The following CTDP1 variants were observed in gnomAD, a reference collection of about 807,000 sequenced individuals.
The protein encoded by CTDP1 is RNA polymerase II subunit A C-terminal domain phosphatase.
CTDP1 carries 47 observed loss-of-function variants against 91.8 expected under a neutral mutation model. That is an observed-to-expected ratio of 0.51 (90% CI 0.41 to 0.65). The LOEUF is 0.65. Ranked by LOEUF, CTDP1 falls within the 30% of genes least tolerant of loss-of-function variation. The pLI is 0.00. For synonymous variants in CTDP1, 656 were observed against 598.5 expected (o/e 1.10, Z -1.40); for missense variants, 1,272 against 1,373.7 (o/e 0.93, Z 1.17).
At chr18:79,748,588 A>G (rs1245554964) in intron 12 of CTDP1, among the ~76,000 whole-genome samples, 1 of 152,174 alleles carries the variant, frequency 6.6e-6, no homozygotes, top group Non-Finnish European at 1.5e-5. Context: ...TGAGATGGGG[A>G]TGGTGGCGCC....
At chr18:79,726,809 T>C (rs75471678) in intron 10 of CTDP1, among the ~76,000 whole-genome samples, 3,879 of 90,302 alleles carry the variant, frequency 0.043, 124 homozygotes, top group Non-Finnish European at 0.06. Context: ...GGGGTGACGC[T>C]GTTGCTGGTG....
chr18:79,693,821 C>T (rs1259407874), intron 1 of CTDP1, among the ~76,000 whole-genome samples: 1 of 152,094 alleles, frequency 6.6e-6, no homozygotes, highest in East Asian at 1.9e-4. Flanking sequence ...CCCATTCTCC[C>T]TGCAGGATGC....
At chr18:79,750,595 A>G (rs2086976580) in intron 12 of CTDP1, among the ~76,000 whole-genome samples, 1 of 150,738 alleles carries the variant, frequency 6.6e-6, no homozygotes, top group Non-Finnish European at 1.5e-5. Flanking sequence ...CCGGGTTCAA[A>G]CAATTCTCGT....
At position 79,696,047 on chromosome 18, in the gene CTDP1, C is replaced by G; in HGVS notation, c.469C>G (p.Pro157Ala). ...TATVSMVHSV[P>A]ELMVSSEQAE... ...GACCGTGTCCATGGTGCACAGCGTG[C>G]CGGAGTTGATGGTGAGCTCCGAGGT... Residue 157 changes from proline (P) to alanine (A), a missense_variant, in exon 3 of 13, where the codon CCG becomes GCG. Pro to Ala is a conservative substitution (Grantham distance 27). This residue lies in a region of CTDP1 where 177 missense variants were observed against 283.0 expected (regional missense o/e 0.63). Transcript: ENST00000613122. 2 of 1,612,116 alleles carry G rather than the reference C, an allele frequency of 1.2e-6. No individual in the cohort carries two copies. The highest frequency in any genetic ancestry group is 1.7e-6 in the Non-Finnish European group (2 of 1,180,002).
intron 12 of CTDP1, among the ~76,000 whole-genome samples, chr18:79,748,124 G>A (rs1051945905): frequency 6.6e-6 from 1 of 152,194 alleles, no homozygotes; most frequent in East Asian, 1.9e-4. Context: ...TACAAATATT[G>A]CATGTTATGC....
intron 12 of CTDP1, among the ~76,000 whole-genome samples, chr18:79,749,350 G>GC (rs1599325925): frequency 6.6e-6 from 1 of 151,996 alleles, no homozygotes; most frequent in East Asian, 1.9e-4. Context: ...TCTGCTCAGT[G>GC]CCCCTGATAC....
chr18:79,708,193 A>G (rs2086007205), intron 5 of CTDP1, among the ~76,000 whole-genome samples: 1 of 152,244 alleles, frequency 6.6e-6, no homozygotes, highest in South Asian at 2.1e-4. Context: ...TCATCTTCCC[A>G]GAAGATCTTA....
intron 2 of CTDP1, 118 bp from the exon 3 acceptor site, chr18:79,695,858 GC>G: frequency 1.2e-6 from 1 of 824,542 alleles, no homozygotes; most frequent in Admixed American, 1.9e-5. Context: ...TCAAGTCTGT[GC>G]TAAGATAGCA....
At chr18:79,741,718 G>C (rs1002211256) in intron 12 of CTDP1, among the ~76,000 whole-genome samples, 1 of 152,256 alleles carries the variant, frequency 6.6e-6, no homozygotes, top group African/African-American at 2.4e-5. Context: ...CAGGGCGGCA[G>C]GCAGGGTCCT....
rs60349604 is a variant in CTDP1, at chr18:79,718,560, G to A, written c.2417+544G>A. Among the ~76,000 whole-genome samples the A allele has an allele frequency of 4.9e-3, 750 of 152,250 alleles. 7 individuals are homozygous for A. The highest frequency in any genetic ancestry group is 0.017 in the African/African-American group (724 of 41,546). ...GCCGGGATCTGTGCTGCCCTGGAGTGGGGAGATTGCAGGCCCTGAGGGATG... is the reference window on the plus strand; with the variant it reads ...GCCGGGATCTGTGCTGCCCTGGAGTAGGGAGATTGCAGGCCCTGAGGGATG... On this transcript the variant is annotated intron_variant, in intron 10 of 12. Transcript: ENST00000613122.
chr18:79,679,811 G>C lies in CTDP1; in HGVS notation c.-137G>C. On this transcript the variant is annotated 5_prime_UTR_variant, in exon 1 of 13. Coordinates refer to ENST00000613122, the MANE Select transcript of CTDP1 (RefSeq NM_004715.5). ...GTCACGCGCCCTCCAGGAAGTCGGC[G>C]CGGGCTAGGCGACGGGTGGAAGCCG... 1 of 836,112 alleles carries C rather than the reference G, an allele frequency of 1.2e-6. No individual in the cohort carries two copies. 51.8% of individuals were successfully genotyped at this position (836,112 alleles called of 1,614,324 possible). A position where few individuals can be genotyped will look rare whatever the true frequency, so the allele number is the denominator to read the frequency against.
intron 11 of CTDP1, among the ~76,000 whole-genome samples, chr18:79,733,445 G>C (rs905327153): frequency 1.3e-4 from 20 of 152,314 alleles, no homozygotes; most frequent in African/African-American, 4.6e-4. Flanking sequence ...TGAGGGTTGA[G>C]GTGGGGCCCG....
chr18:79,718,894 G>A (rs907354080), intron 10 of CTDP1, among the ~76,000 whole-genome samples: 1 of 152,226 alleles, frequency 6.6e-6, no homozygotes, highest in Non-Finnish European at 1.5e-5. Context: ...GCTAGAGGGA[G>A]ACGGGTGCTC....
At chr18:79,740,946 C>CAGGTG (rs2086763464) in intron 12 of CTDP1, among the ~76,000 whole-genome samples, 1 of 152,162 alleles carries the variant, frequency 6.6e-6, no homozygotes, top group Non-Finnish European at 1.5e-5. Flanking sequence ...AACAGGCGCC[C>CAGGTG]AGGTGAGGTG....
At chr18:79,722,059 T>A (rs547145306) in intron 10 of CTDP1, among the ~76,000 whole-genome samples, 1 of 152,306 alleles carries the variant, frequency 6.6e-6, no homozygotes, top group East Asian at 1.9e-4. Flanking sequence ...CCTGTCCTCA[T>A]TGTCTTAAAC....
intron 12 of CTDP1, among the ~76,000 whole-genome samples, chr18:79,743,967 G>A (rs180823229): frequency 3.3e-5 from 5 of 152,132 alleles, no homozygotes; most frequent in African/African-American, 4.8e-5. Flanking sequence ...GCCACCCTCC[G>A]CTCACTGAGA....
chr18:79,688,710 A>C (rs2085559384), intron 1 of CTDP1, among the ~76,000 whole-genome samples: 1 of 148,996 alleles, frequency 6.7e-6, no homozygotes, highest in African/African-American at 2.5e-5. Context: ...ACACCCGGCT[A>C]ATTTTTGTAT....
chr18:79,686,282 A>G (rs903817092), intron 1 of CTDP1, among the ~76,000 whole-genome samples: 3 of 152,116 alleles, frequency 2.0e-5, no homozygotes, highest in Non-Finnish European at 4.4e-5. Context: ...ATGTGAAATC[A>G]TCTAGTATCT....
intron 11 of CTDP1, among the ~76,000 whole-genome samples, chr18:79,732,605 A>G (rs1254926251): frequency 6.6e-6 from 1 of 150,726 alleles, no homozygotes; most frequent in African/African-American, 2.5e-5. Context: ...ATCACGTGAG[A>G]CATGAGAACT....
Sources: allele counts gnomAD v4.1 joint callset (sites outside exome capture counted in the v4.1 genomes callset), GRCh38; gene constraint gnomAD v4.1.1; regional missense constraint gnomAD v4.1.1; transcripts MANE v1.5; gene names NCBI Gene and HGNC (gene_info 2026-07-23, HGNC 2026-07-21).